FER: variants seen among roughly 807,000 people sequenced by gnomAD.
The protein encoded by FER is tyrosine-protein kinase Fer.
A neutral mutation model predicts 111.0 loss-of-function variants in FER; 63 were observed. The observed-to-expected ratio is 0.57, with a 90% CI of 0.46 to 0.70. The LOEUF (loss-of-function observed/expected upper bound fraction) is 0.70. Among genes scored for constraint, FER ranks in the 30% least tolerant of loss-of-function variants. The pLI is 0.00. For synonymous variants in FER, 327 were observed against 313.9 expected, an observed-to-expected ratio of 1.04 and a Z score of -0.44; for missense variants, 914 against 954.0, an observed-to-expected ratio of 0.96 and a Z score of 0.55.
Position 108,845,255 on chromosome 5 carries a change from T to C in FER, c.481+9448T>C, listed in dbSNP as rs1413460282. On this transcript the variant is annotated intron_variant, in intron 5 of 19. Coordinates refer to ENST00000281092, the MANE Select transcript of FER (RefSeq NM_005246.4). ...GGCACCATCTTGGGTCACTGTAACC[T>C]CTGTCTCTCAGGTTCAGGCGATTCT... 2.0e-5 allele frequency among the ~76,000 whole-genome samples: 3 copies of C among 151,290 alleles called. No individual in the cohort carries two copies. In the South Asian group the frequency reaches 6.3e-4, roughly 32 times the overall value.
chr5:109,012,833 C>T (rs377563280), intron 13 of FER, among the ~76,000 whole-genome samples: 1 of 152,014 alleles, frequency 6.6e-6, no homozygotes, highest in Non-Finnish European at 1.5e-5. Context: ...CTGGAAAACT[C>T]TATGACAATA....
intron 3 of FER, among the ~76,000 whole-genome samples, chr5:108,823,517 A>T (rs1254568895): frequency 2.0e-5 from 3 of 152,070 alleles, no homozygotes; most frequent in African/African-American, 7.2e-5. Context: ...ATTTGTAGTT[A>T]CCTGATGATT....
chr5:108,951,095 C>T (rs1167050612), intron 11 of FER, among the ~76,000 whole-genome samples: 2 of 151,832 alleles, frequency 1.3e-5, no homozygotes, highest in Non-Finnish European at 2.9e-5. Flanking sequence ...ATGGTGAAAC[C>T]CTGTCTCCAC....
intron 18 of FER, among the ~76,000 whole-genome samples, chr5:109,184,335 A>G (rs562402117): frequency 6.6e-6 from 1 of 152,210 alleles, no homozygotes; most frequent in African/African-American, 2.4e-5. Flanking sequence ...TTGTAAGATA[A>G]GAACAATAGG....
chr5:109,117,783 G>T (rs994666994), intron 17 of FER, among the ~76,000 whole-genome samples: 11 of 151,380 alleles, frequency 7.3e-5, no homozygotes, highest in African/African-American at 2.7e-4. Flanking sequence ...GTGAATGGGA[G>T]TTCACTCATG....
chr5:109,058,479 T>G (rs1340079810), intron 16 of FER, among the ~76,000 whole-genome samples: 1 of 151,938 alleles, frequency 6.6e-6, no homozygotes, highest in Non-Finnish European at 1.5e-5. Context: ...ATTATAAGAT[T>G]ATGTGGTATT....
At chr5:109,039,847 G>A (rs1770903687) in intron 14 of FER, among the ~76,000 whole-genome samples, 1 of 152,048 alleles carries the variant, frequency 6.6e-6, no homozygotes, top group South Asian at 2.1e-4. Context: ...GCAATTTTGA[G>A]AGGAGGAATG....
At chr5:109,050,289 AGT>A (rs1772599531) in intron 16 of FER, among the ~76,000 whole-genome samples, 1 of 152,218 alleles carries the variant, frequency 6.6e-6, no homozygotes, top group Non-Finnish European at 1.5e-5. Flanking sequence ...GAAAAAAAAA[AGT>A]GTGTTTTACT....
At chr5:108,785,077 T>C (rs878991734) in intron 2 of FER, 5 of 414,186 alleles carry the variant, frequency 1.2e-5, no homozygotes, top group Non-Finnish European at 1.9e-5. Flanking sequence ...GCTTCTTGCC[T>C]AACAGCAGCA....
chr5:109,114,135 C>CA (rs1192900211), intron 17 of FER, among the ~76,000 whole-genome samples: 2 of 152,072 alleles, frequency 1.3e-5, no homozygotes, highest in Non-Finnish European at 2.9e-5. Context: ...CTTCCCCACT[C>CA]ACTGTACTAA....
At chr5:108,879,707 T>TATATATATAA (rs1765485420) in intron 8 of FER, among the ~76,000 whole-genome samples, 1 of 136,290 alleles carries the variant, frequency 7.3e-6, no homozygotes, top group African/African-American at 2.9e-5. Flanking sequence ...AAAAAATATA[T>TATATATATAA]ATATATATAT....
chr5:108,811,774 G>A (rs908785900), intron 3 of FER, among the ~76,000 whole-genome samples: 2 of 152,162 alleles, frequency 1.3e-5, no homozygotes, highest in Non-Finnish European at 2.9e-5. Flanking sequence ...AAATCCCAGA[G>A]TAAGAAGGCC....
intron 13 of FER, among the ~76,000 whole-genome samples, chr5:109,020,059 C>T (rs1197416331): frequency 6.6e-6 from 1 of 151,878 alleles, no homozygotes; most frequent in South Asian, 2.1e-4. Context: ...CAAGTTTGAC[C>T]TCTTAACACG....
intron 13 of FER, among the ~76,000 whole-genome samples, chr5:108,966,555 C>G (rs1759870189): frequency 6.6e-6 from 1 of 151,670 alleles, no homozygotes; most frequent in African/African-American, 2.4e-5. Flanking sequence ...GCCGGGCTAA[C>G]TTTTGTGTTT....
chr5:109,047,191 G>T lies in FER; in HGVS notation c.1917G>T (p.Leu639=). The change falls in exon 16 of 20, where the codon CTG becomes CTT. Residue 639 remains leucine (L), a synonymous_variant. Transcript: ENST00000281092. ...AGCCTGTCTACATCATTATGGAACT[G>T]GTTTCAGGTAATGTGATCTGAGAAT... ...QRQPVYIIME[L]VSGGDFLTFL... 1 of 1,586,936 alleles carries T rather than the reference G, an allele frequency of 6.3e-7. No individual in the cohort carries two copies. The highest frequency in any genetic ancestry group is 8.6e-7 in the Non-Finnish European group (1 of 1,163,788).
At chr5:109,018,677 A>G (rs2149823270) in intron 13 of FER, among the ~76,000 whole-genome samples, 1 of 151,916 alleles carries the variant, frequency 6.6e-6, no homozygotes, top group South Asian at 2.1e-4. Context: ...GTATATATGT[A>G]AACATTACAG....
At chr5:108,885,449 A>G (rs758267322) in intron 9 of FER, among the ~76,000 whole-genome samples, 19 of 151,956 alleles carry the variant, frequency 1.3e-4, no homozygotes, top group Middle Eastern at 3.2e-3. Flanking sequence ...CTGCTATAAC[A>G]ATGTGCCATA....
intron 5 of FER, among the ~76,000 whole-genome samples, chr5:108,845,041 CATATATATATATATATATATATATAT>C (rs1232663960): frequency 0.11 from 5,044 of 46,072 alleles, 208 homozygotes; most frequent in South Asian, 0.14. Context: ...TATATATATA[CATATATATATATATATATATATATAT>C]ACACACACAC....
chr5:109,055,727 C>A (rs1373148391), intron 16 of FER, among the ~76,000 whole-genome samples: 2 of 146,428 alleles, frequency 1.4e-5, no homozygotes, highest in Non-Finnish European at 3.0e-5. Flanking sequence ...GTTGAGTCTG[C>A]AGTGAGCTGT....
Sources: gnomAD v4.1 joint callset for allele counts (sites outside exome capture counted in the v4.1 genomes callset) on GRCh38, gnomAD v4.1.1 for gene constraint, MANE v1.5 for transcripts, NCBI Gene and HGNC (gene_info 2026-07-23, HGNC 2026-07-21) for gene names.